Variants in SFMBT2 observed in about 807,000 individuals in gnomAD.
SFMBT2 encodes Scm like with four mbt domains 2, also known as scm-like with four MBT domains protein 2.
In SFMBT2, 38 loss-of-function variants were observed where a neutral mutation model predicts 110.1. That is an observed-to-expected ratio of 0.35 (90% CI 0.27 to 0.45). The LOEUF is 0.45. SFMBT2 is among the 20% of genes least tolerant of loss of function. The pLI is 1.00. For synonymous variants in SFMBT2, 425 were observed against 425.4 expected (o/e 1.00, Z 0.01); for missense variants, 1,011 against 1,094.9 (o/e 0.92, Z 1.08).
At chr10:7,309,060 A>G (rs902438050) in intron 4 of SFMBT2, among the ~76,000 whole-genome samples, 4 of 152,180 alleles carry the variant, frequency 2.6e-5, no homozygotes, top group Non-Finnish European at 4.4e-5. Context: ...TTGGCCAAAC[A>G]TTATTCTGGG....
intron 4 of SFMBT2, among the ~76,000 whole-genome samples, chr10:7,353,432 A>G (rs1013852660): frequency 6.6e-6 from 1 of 151,918 alleles, no homozygotes; most frequent in Admixed American, 6.6e-5. Context: ...AACTCAGCAA[A>G]TGCTCAATTA....
At chr10:7,365,074 G>C (rs1414151917) in intron 4 of SFMBT2, among the ~76,000 whole-genome samples, 4 of 152,212 alleles carry the variant, frequency 2.6e-5, no homozygotes, top group Non-Finnish European at 5.9e-5. Context: ...GGCTGGGTCT[G>C]GGGCTGAGTG....
chr10:7,165,544 G>A (rs1403872852), intron 20 of SFMBT2, among the ~76,000 whole-genome samples: 2 of 152,198 alleles, frequency 1.3e-5, no homozygotes, highest in African/African-American at 4.8e-5. Flanking sequence ...AATAAGTACT[G>A]TAGCAATAAA....
At chr10:7,288,982 G>C (rs1266578960) in intron 4 of SFMBT2, among the ~76,000 whole-genome samples, 2 of 149,428 alleles carry the variant, frequency 1.3e-5, no homozygotes, top group African/African-American at 5.0e-5. Flanking sequence ...GACAGAGCGA[G>C]ACACTGTCTC....
At chr10:7,246,351 A>C (rs1840610242) in intron 8 of SFMBT2, among the ~76,000 whole-genome samples, 1 of 152,226 alleles carries the variant, frequency 6.6e-6, no homozygotes, top group Non-Finnish European at 1.5e-5. Flanking sequence ...GGCTGAAATT[A>C]ATTTTGATTA....
At position 7,276,843 on chromosome 10, in the gene SFMBT2, A is replaced by T. The variant is rs780865016; in HGVS notation, c.870+49T>A. 10 of 837,968 alleles carry T rather than the reference A, an allele frequency of 1.2e-5. No individual in the cohort carries two copies. The East Asian group carries it at 1.7e-4, about 14-fold the overall frequency. The allele number at this position is 837,968 out of a possible 1,614,324, so 51.9% of individuals were successfully genotyped here. On this transcript the variant is annotated intron_variant, in intron 7 of 20. Coordinates refer to ENST00000397167, the MANE Select transcript of SFMBT2 (RefSeq NM_001387889.1). ...GCCCGGCCGGAAAACTTTGTAGATG[A>T]TTTTATTCTCAAAAAGGGTAGATAC... is the stretch of plus-strand genomic sequence containing the variant.
chr10:7,283,273 TA>T (rs1339905325), intron 6 of SFMBT2, among the ~76,000 whole-genome samples: 1 of 152,256 alleles, frequency 6.6e-6, no homozygotes, highest in Non-Finnish European at 1.5e-5. Context: ...TCTTTCCAAT[TA>T]AGCCTCTGCA....
In SFMBT2 at chr10:7,275,649, C is replaced by A. The variant is rs114919565; in HGVS notation, c.870+1243G>T. Among the ~76,000 whole-genome samples the A allele has an allele frequency of 6.2e-3, 947 of 152,260 alleles. 14 individuals are homozygous for A. The highest frequency in any genetic ancestry group is 0.021 in the African/African-American group (881 of 41,532). ...TTACACTGTTCCTCCAGTACAGGAG[C>A]CCCCAAACACTGTAAAAATCATCAT... On this transcript the variant is annotated intron_variant, in intron 7 of 20. Transcript: ENST00000397167.
chr10:7,315,024 GAGAAAGAA>G (rs1224378774), intron 4 of SFMBT2, among the ~76,000 whole-genome samples: 2 of 117,376 alleles, frequency 1.7e-5, no homozygotes, highest in African/African-American at 6.7e-5. Flanking sequence ...AGAAAAGAGA[GAGAAAGAA>G]AGAAAGAGAA....
chr10:7,202,505 T>C lies in SFMBT2; in HGVS notation c.1462A>G (p.Ile488Val), dbSNP rs1402971156. ...TGTTTCTCTGGTTGCACGACTGCAA[T>C]CTTTCTCTTCTTTTGTGCTGTAGAA... The part of the protein sequence containing the change: ...HKTVSQKKRK[I>V]AVVQPEKQLP... Residue 488 changes from isoleucine to valine, a missense_variant, in exon 13 of 21, where the codon ATT (isoleucine) becomes GTT (valine). Physicochemically the swap from Ile to Val is conservative, Grantham distance 29. Transcript: ENST00000397167. 4 of 1,614,214 alleles carry C rather than the reference T, an allele frequency of 2.5e-6. No individual in the cohort carries two copies. Among genetic ancestry groups the C allele is most frequent in the Non-Finnish European group, 3.4e-6 (4 of 1,180,040 alleles).
At chr10:7,397,825 G>A (rs1187408844) in intron 1 of SFMBT2, among the ~76,000 whole-genome samples, 2 of 152,160 alleles carry the variant, frequency 1.3e-5, no homozygotes, top group African/African-American at 2.4e-5. Context: ...TACTCGCCCC[G>A]TCAGCCGGGT....
intron 4 of SFMBT2, among the ~76,000 whole-genome samples, chr10:7,332,943 T>C (rs1843608235): frequency 6.6e-6 from 1 of 152,212 alleles, no homozygotes; most frequent in African/African-American, 2.4e-5. Context: ...CTCAGCTCAC[T>C]GCAACCTCCG....
At chr10:7,212,777 T>G (rs775175026) in intron 11 of SFMBT2, among the ~76,000 whole-genome samples, 1 of 152,158 alleles carries the variant, frequency 6.6e-6, no homozygotes, top group Non-Finnish European at 1.5e-5. Flanking sequence ...GGTTGCTGAG[T>G]GTCATGTTAT....
intron 4 of SFMBT2, among the ~76,000 whole-genome samples, chr10:7,315,027 A>AGG (rs1842954337): frequency 7.2e-6 from 1 of 139,574 alleles, no homozygotes; most frequent in South Asian, 2.3e-4. Context: ...AAAGAGAGAG[A>AGG]AAGAAAGAAA....
rs1160993652 is a variant in SFMBT2 at position 7,172,414 on chromosome 10, T to G, written c.2151+81A>C. ...TCTTGCCACAATCTCCAGGGCCACC[T>G]CTGCTGTGAAGCAGCCACACTTGCC... On this transcript the variant is annotated intron_variant, in intron 18 of 20. Coordinates refer to ENST00000397167, the MANE Select transcript of SFMBT2 (RefSeq NM_001387889.1). The surrounding 1 kb of genome is among the most constrained non-coding windows in gnomAD (Gnocchi z 4.6). 1 of 1,602,112 alleles carries G rather than the reference T, an allele frequency of 6.2e-7. No individual in the cohort carries two copies. Among genetic ancestry groups the G allele is most frequent in the East Asian group, 2.2e-5 (1 of 44,710 alleles).
rs540884515 is a variant in SFMBT2 at position 7,324,266 on chromosome 10, T to C, written c.437-38312A>G. 1.1e-4 allele frequency among the ~76,000 whole-genome samples: 16 copies of C among 152,364 alleles called. No homozygotes were observed. The South Asian group carries it at 1.2e-3, about 12-fold the overall frequency. ...TAATCACACACACACACATTTTTTCTAGTATGTTTGTGGGAAACCCTTCTC... is the reference window on the plus strand; with the variant it reads ...TAATCACACACACACACATTTTTTCCAGTATGTTTGTGGGAAACCCTTCTC... On this transcript the variant is annotated intron_variant, in intron 4 of 20. Transcript: ENST00000397167.
At position 7,205,914 on chromosome 10, in the gene SFMBT2, C is replaced by T. The variant is rs374948356; in HGVS notation, c.1345G>A (p.Val449Ile). ...TCCACATCAACAATGACCTCTGGAA[C>T]AGGAGTCTGCAGCCCTGCATGGGAA... ...WLHLEGLQTP[V>I]PEVIVDVESM... is the part of the protein sequence containing the mutation. Residue 449 changes from valine (V) to isoleucine (I), a missense_variant, in exon 12 of 21, where the codon GTT becomes ATT. Coordinates refer to ENST00000397167, the MANE Select transcript of SFMBT2 (RefSeq NM_001387889.1). 6.4e-5 allele frequency: 104 copies of T among 1,613,870 alleles called. No individual in the cohort carries two copies. Among genetic ancestry groups the T allele is most frequent in the Non-Finnish European group, 7.6e-5 (90 of 1,179,920 alleles).
intron 1 of SFMBT2, among the ~76,000 whole-genome samples, chr10:7,407,638 A>AC (rs1222207575): frequency 6.6e-6 from 1 of 152,172 alleles, no homozygotes; most frequent in Non-Finnish European, 1.5e-5. Context: ...CGTCAGGGCC[A>AC]CGAGCCTCGC....
chr10:7,373,382 T>C (rs1283403732), intron 2 of SFMBT2, among the ~76,000 whole-genome samples: 1 of 152,204 alleles, frequency 6.6e-6, no homozygotes, highest in East Asian at 1.9e-4. Context: ...TCTTTATAAA[T>C]TATGCAGACT....
Sources: gnomAD v4.1 joint callset for allele counts (sites outside exome capture counted in the v4.1 genomes callset) on GRCh38, gnomAD v4.1.1 for gene constraint, Gnocchi (gnomAD v3.1) non-coding constraint, MANE v1.5 for transcripts, NCBI Gene and HGNC (gene_info 2026-07-23, HGNC 2026-07-21) for gene names.